Variants in RGS12 observed in about 807,000 individuals in gnomAD.
RGS12 encodes the protein regulator of G protein signaling 12.
A neutral mutation model predicts 120.1 loss-of-function variants in RGS12; 66 were observed. That is an observed-to-expected ratio of 0.55 (90% CI 0.45 to 0.67). The LOEUF is 0.67. RGS12 is among the 30% of genes least tolerant of loss of function. RGS12 has a pLI of 0.00. For missense variants in RGS12, 1,859 were observed against 1,957.7 expected (o/e 0.95, Z 0.95); for synonymous variants, 827 against 804.7 (o/e 1.03, Z -0.47).
intron 2 of RGS12, among the ~76,000 whole-genome samples, chr4:3,338,632 C>T (rs565117330): frequency 1.4e-4 from 21 of 151,208 alleles, no homozygotes; most frequent in East Asian, 1.4e-3. Context: ...CCAGGGTGAC[C>T]GGCCTCTGTG....
At chr4:3,431,163 C>T (rs1218756759) in intron 17 of RGS12, 11 of 1,414,674 alleles carry the variant, frequency 7.8e-6, no homozygotes, top group Non-Finnish European at 9.2e-6. Flanking sequence ...GGATGGTCCC[C>T]CCGAGGCGCT....
At chr4:3,402,254 A>C (rs1720663333) in intron 4 of RGS12, among the ~76,000 whole-genome samples, 1 of 152,224 alleles carries the variant, frequency 6.6e-6, no homozygotes, top group Non-Finnish European at 1.5e-5. Flanking sequence ...CCCAGCAAAT[A>C]CCATTTATAT....
intron 2 of RGS12, among the ~76,000 whole-genome samples, chr4:3,327,642 A>C (rs1428811846): frequency 6.6e-6 from 1 of 152,258 alleles, no homozygotes; most frequent in Non-Finnish European, 1.5e-5. Flanking sequence ...AAAAGAAGAT[A>C]TACAAACGTT....
intron 3 of RGS12, among the ~76,000 whole-genome samples, chr4:3,358,956 CT>C: frequency 1.3e-5 from 1 of 77,244 alleles, no homozygotes; most frequent in African/African-American, 5.7e-5. Context: ...CCCTCCCCTT[CT>C]TCCTCCTCCT....
At chr4:3,403,073 C>T (rs183153706) in intron 4 of RGS12, among the ~76,000 whole-genome samples, 5 of 152,322 alleles carry the variant, frequency 3.3e-5, no homozygotes, top group South Asian at 2.1e-4. Flanking sequence ...CACTGACCTT[C>T]GCAGGAGCCG....
intron 3 of RGS12, among the ~76,000 whole-genome samples, chr4:3,368,569 G>A (rs1455906677): frequency 8.6e-6 from 1 of 116,248 alleles, no homozygotes; most frequent in Non-Finnish European, 1.8e-5. Flanking sequence ...ATGTGTGTGT[G>A]TGTGGGGTGC....
At chr4:3,425,201 G>A (rs1723481089) in intron 13 of RGS12, among the ~76,000 whole-genome samples, 1 of 152,208 alleles carries the variant, frequency 6.6e-6, no homozygotes, top group South Asian at 2.1e-4. Flanking sequence ...CCGAGGGTCA[G>A]TGTTCCCCTT....
chr4:3,336,714 T>C (rs1712514550), intron 2 of RGS12, among the ~76,000 whole-genome samples: 2 of 152,134 alleles, frequency 1.3e-5, no homozygotes, highest in Non-Finnish European at 2.9e-5. Flanking sequence ...AAAAAATACA[T>C]AAATTGCATT....
chr4:3,373,104 G>A (rs1717213524), intron 3 of RGS12, among the ~76,000 whole-genome samples: 1 of 152,208 alleles, frequency 6.6e-6, no homozygotes, highest in African/African-American at 2.4e-5. Context: ...GGCAGGACCC[G>A]TGTTGGAGCC....
chr4:3,431,264 C>T (rs1016113405), intron 17 of RGS12: 1 of 1,231,688 alleles, frequency 8.1e-7, no homozygotes, highest in Non-Finnish European at 1.0e-6. Context: ...CTGGGTGAGG[C>T]CTGGGGGTTT....
intron 7 of RGS12, among the ~76,000 whole-genome samples, chr4:3,416,387 T>A (rs1376303780): frequency 6.6e-6 from 1 of 152,222 alleles, no homozygotes; most frequent in African/African-American, 2.4e-5. Context: ...GGCTCATGTT[T>A]CGATCCTGTG....
intron 3 of RGS12, among the ~76,000 whole-genome samples, chr4:3,345,457 G>T (rs932291646): frequency 6.6e-6 from 1 of 152,180 alleles, no homozygotes; most frequent in Non-Finnish European, 1.5e-5. Flanking sequence ...CTGCAGTCAG[G>T]CTTTGATTGC....
In RGS12 at chr4:3,319,738, G is replaced by A. The variant is rs185656919; in HGVS notation, c.1881+1687G>A. On this transcript the variant is annotated intron_variant, in intron 2 of 17. Transcript: ENST00000336727. Reference sequence around the variant, plus strand: ...GGGATTACAGGCATGAGCCACACGCGCCTGGCCTCAGCCTCCTTAGAGGAG... The same window carrying A: ...GGGATTACAGGCATGAGCCACACGCACCTGGCCTCAGCCTCCTTAGAGGAG... Among the ~76,000 whole-genome samples the A allele has an allele frequency of 9.8e-4, 150 of 152,296 alleles. 1 individual carries two copies. The highest frequency in any genetic ancestry group is 3.5e-3 in the African/African-American group (145 of 41,570).
At chr4:3,404,716 A>C (rs1385846327) in intron 4 of RGS12, among the ~76,000 whole-genome samples, 1 of 152,246 alleles carries the variant, frequency 6.6e-6, no homozygotes, top group African/African-American at 2.4e-5. Flanking sequence ...GTGCGTGTGC[A>C]TCCACATTTC....
chr4:3,297,995 T>C (rs1000791842), intron 1 of RGS12, among the ~76,000 whole-genome samples: 34 of 152,244 alleles, frequency 2.2e-4, no homozygotes, highest in African/African-American at 7.7e-4. Flanking sequence ...TTTTAGACAA[T>C]GATTTTTTCG....
At chr4:3,332,309 A>G (rs1018076751) in intron 2 of RGS12, among the ~76,000 whole-genome samples, 4 of 152,132 alleles carry the variant, frequency 2.6e-5, no homozygotes, top group African/African-American at 9.7e-5. Context: ...GTTTTATAGA[A>G]ATGGCTTAAT....
intron 1 of RGS12, chr4:3,312,502 C>T (rs919283226): frequency 2.7e-5 from 6 of 221,454 alleles, no homozygotes; most frequent in South Asian, 8.3e-5. Context: ...GAGAAGCAGC[C>T]GTTTGAAATA....
At chr4:3,308,429 G>T (rs189707395) in intron 1 of RGS12, among the ~76,000 whole-genome samples, 63 of 152,376 alleles carry the variant, frequency 4.1e-4, no homozygotes, top group African/African-American at 1.3e-3. Context: ...AAATGGCGAG[G>T]CACCCTCCCC....
At chr4:3,363,216 T>C (rs917184011) in intron 3 of RGS12, among the ~76,000 whole-genome samples, 1 of 152,278 alleles carries the variant, frequency 6.6e-6, no homozygotes, top group Non-Finnish European at 1.5e-5. Context: ...CTAGCAGTTC[T>C]GTCCCTCTTC....
Sources: allele counts gnomAD v4.1 joint callset (sites outside exome capture counted in the v4.1 genomes callset), GRCh38; gene constraint gnomAD v4.1.1; transcripts MANE v1.5; gene names NCBI Gene and HGNC (gene_info 2026-07-23, HGNC 2026-07-21).